CAPN8: variants seen among roughly 807,000 people sequenced by gnomAD.
The protein encoded by CAPN8 is calpain 8.
In CAPN8, 87 loss-of-function variants were observed where a neutral mutation model predicts 80.9. That is an observed-to-expected ratio of 1.07 (90% CI 0.90 to 1.28). The LOEUF (loss-of-function observed/expected upper bound fraction) is 1.28. Ranked by LOEUF, CAPN8 falls within the 50% of genes most tolerant of loss-of-function variation. CAPN8 has a pLI of 0.00. For missense variants in CAPN8, 757 were observed against 702.0 expected (o/e 1.08, Z -0.89); for synonymous variants, 299 against 273.8 (o/e 1.09, Z -0.91).
chr1:223,619,864 T>C (rs1277788175), intron 8 of CAPN8, among the ~76,000 whole-genome samples: 1 of 152,184 alleles, frequency 6.6e-6, no homozygotes, highest in East Asian at 1.9e-4. Context: ...CTTAGCTCAC[T>C]AGCAAAGGAA....
chr1:223,555,793 T>A (rs1295152158), intron 13 of CAPN8, among the ~76,000 whole-genome samples: 2 of 152,196 alleles, frequency 1.3e-5, no homozygotes, highest in African/African-American at 4.8e-5. Context: ...ACATTGGGAA[T>A]GAGGAAAACG....
intron 20 of CAPN8, 70 bp from the exon 21 acceptor site, chr1:223,541,929 T>TC: frequency 6.5e-7 from 1 of 1,549,808 alleles, no homozygotes; most frequent in Non-Finnish European, 8.7e-7. Flanking sequence ...ATTGATGCTC[T>TC]CCTGCCTCAC....
intron 1 of CAPN8, among the ~76,000 whole-genome samples, chr1:223,659,199 T>C (rs966116258): frequency 2.6e-5 from 4 of 152,192 alleles, no homozygotes; most frequent in Admixed American, 6.5e-5. Context: ...AAACCCACAC[T>C]GTCTCAGTGA....
chr1:223,552,302 A>G (rs66975142), intron 14 of CAPN8, among the ~76,000 whole-genome samples: 1 of 152,110 alleles, frequency 6.6e-6, no homozygotes, highest in African/African-American at 2.4e-5. Context: ...GGTGGCTCAC[A>G]CCTGTAATCC....
chr1:223,655,375 C>G (rs1658459746), intron 1 of CAPN8, among the ~76,000 whole-genome samples: 1 of 152,178 alleles, frequency 6.6e-6, no homozygotes, highest in Non-Finnish European at 1.5e-5. Flanking sequence ...GGCCCTGGTG[C>G]TCTGTTGGGG....
At chr1:223,620,149 CCCATCA>C in intron 8 of CAPN8, 37 bp downstream of exon 8, 1 of 1,505,448 alleles carries the variant, frequency 6.6e-7, no homozygotes, top group Non-Finnish European at 9.0e-7. Context: ...TGAAAATGGA[CCCATCA>C]CCAATGGGAC....
intron 2 of CAPN8, among the ~76,000 whole-genome samples, chr1:223,650,368 G>C (rs755211702): frequency 1.3e-5 from 2 of 152,146 alleles, no homozygotes; most frequent in East Asian, 1.9e-4. Context: ...GTCACAAGAG[G>C]CTCCCAGCAG....
At chr1:223,612,193 G>A in intron 11 of CAPN8, 53 bp downstream of exon 11, 1 of 1,232,018 alleles carries the variant, frequency 8.1e-7, no homozygotes, top group Non-Finnish European at 1.0e-6. Context: ...CATCCTGAAG[G>A]CAGCCAAGCT....
At chr1:223,664,304 G>A (rs1857549) in intron 1 of CAPN8, among the ~76,000 whole-genome samples, 148,072 of 152,298 alleles carry the variant, frequency 0.97, 72,100 homozygotes, top group Non-Finnish European at 1. Context: ...TTGCGCAACC[G>A]TGCACCTTTC....
intron 2 of CAPN8, among the ~76,000 whole-genome samples, chr1:223,653,224 G>A (rs989694225): frequency 6.6e-6 from 1 of 151,190 alleles, no homozygotes; most frequent in Non-Finnish European, 1.5e-5. Flanking sequence ...TTCAGGCAAC[G>A]GGGCACGCGC....
intron 2 of CAPN8, among the ~76,000 whole-genome samples, chr1:223,651,699 T>C (rs1307957215): frequency 6.6e-6 from 1 of 152,238 alleles, no homozygotes; most frequent in Non-Finnish European, 1.5e-5. Flanking sequence ...ATAACTCAAA[T>C]GTCCATCCTT....
chr1:223,632,205 G>C (rs1657791746), intron 2 of CAPN8, among the ~76,000 whole-genome samples: 1 of 152,202 alleles, frequency 6.6e-6, no homozygotes, highest in African/African-American at 2.4e-5. Flanking sequence ...ACTGCATGAA[G>C]TGTGAATGGA....
chr1:223,544,006 C>A, intron 19 of CAPN8, 61 bp downstream of exon 19: 1 of 708,608 alleles, frequency 1.4e-6, no homozygotes. Flanking sequence ...CTTGGCCCTG[C>A]CCCTGCCCCA....
In CAPN8 at chr1:223,620,388, G is replaced by A. The variant is rs1172786008; in HGVS notation, c.900-122C>T. On this transcript the variant is annotated intron_variant, in intron 7 of 20. Transcript: ENST00000366872. ...CAAAATACCAAAAGCACTGCAGGCA[G>A]ACAGAAAGGCAGAATGGACAGTGTG... 3.7e-6 allele frequency: 3 copies of A among 818,886 alleles called. No homozygotes were observed. In the East Asian group the frequency reaches 8.0e-5, roughly 22 times the overall value. The allele number at this position is 818,886 out of a possible 1,614,324, so 50.7% of individuals were successfully genotyped here.
At chr1:223,547,538 T>G (rs778512291) in intron 16 of CAPN8, among the ~76,000 whole-genome samples, 1 of 152,306 alleles carries the variant, frequency 6.6e-6, no homozygotes, top group African/African-American at 2.4e-5. Flanking sequence ...CTAAATTATG[T>G]GATGATGGTT....
At chr1:223,628,938 C>T (rs778503319) in intron 2 of CAPN8, 158 bp from the exon 3 acceptor site, 1 of 605,376 alleles carries the variant, frequency 1.7e-6, no homozygotes, top group Non-Finnish European at 2.9e-6. Flanking sequence ...CACCCGCAGC[C>T]ATCAGCTTCT....
intron 2 of CAPN8, among the ~76,000 whole-genome samples, chr1:223,630,125 C>G (rs1657729477): frequency 6.6e-6 from 1 of 152,170 alleles, no homozygotes; most frequent in African/African-American, 2.4e-5. Flanking sequence ...GCCAACATCT[C>G]CATCATCACT....
In CAPN8 at chr1:223,552,643, A is replaced by G. The variant is rs1656823988; in HGVS notation, c.1641+1189T>C. Among the ~76,000 whole-genome samples the G allele has an allele frequency of 3.3e-5, 5 of 151,834 alleles. No individual in the cohort carries two copies. The South Asian group carries it at 1.0e-3, about 32-fold the overall frequency. ...AGACTACCCCCATTAGCCTGCCAGGAAAGAAATGGGATGTCAAGAGTCTAC... is the reference window on the plus strand; with the variant it reads ...AGACTACCCCCATTAGCCTGCCAGGGAAGAAATGGGATGTCAAGAGTCTAC... On this transcript the variant is annotated intron_variant, in intron 14 of 20. Transcript: ENST00000366872.
intron 2 of CAPN8, among the ~76,000 whole-genome samples, chr1:223,634,865 C>A (rs1229280197): frequency 6.6e-6 from 1 of 152,162 alleles, no homozygotes; most frequent in African/African-American, 2.4e-5. Flanking sequence ...GGGACAGATA[C>A]AAACATTCAG....
Sources: gnomAD v4.1 joint callset for allele counts (sites outside exome capture counted in the v4.1 genomes callset) on GRCh38, gnomAD v4.1.1 for gene constraint, MANE v1.5 for transcripts, NCBI Gene and HGNC (gene_info 2026-07-23, HGNC 2026-07-21) for gene names.